SLC39A11: variants seen among roughly 807,000 people sequenced by gnomAD.
SLC39A11 encodes the protein zinc transporter ZIP11.
Under a neutral mutation model 36.1 loss-of-function variants are expected in SLC39A11, and 33 were observed. The observed-to-expected ratio is 0.91, with a 90% CI of 0.69 to 1.22. SLC39A11 has a LOEUF of 1.22. Among genes scored for constraint, SLC39A11 ranks in the 50% most tolerant of loss-of-function variants. The pLI, the probability that SLC39A11 is intolerant of heterozygous loss-of-function variation, is 0.00. For synonymous variants in SLC39A11, 166 were observed against 170.3 expected (o/e 0.97, Z 0.20); for missense variants, 432 against 430.3 (o/e 1.00, Z -0.03).
intron 5 of SLC39A11, among the ~76,000 whole-genome samples, chr17:72,883,815 T>C (rs149221963): frequency 8.7e-4 from 133 of 152,214 alleles, no homozygotes; most frequent in African/African-American, 3.0e-3. Flanking sequence ...AAAACTGAAG[T>C]TGGGCCCAAG....
chr17:72,897,052 C>CAAAAAAAAAAAAAAA (rs10656675), intron 5 of SLC39A11, among the ~76,000 whole-genome samples: 2 of 64,178 alleles, frequency 3.1e-5, no homozygotes, highest in Non-Finnish European at 5.2e-5. Context: ...GACTCTGTCT[C>CAAAAAAAAAAAAAAA]AAAAAAAAAA....
At chr17:72,878,998 A>G (rs1438097347) in intron 5 of SLC39A11, among the ~76,000 whole-genome samples, 1 of 152,198 alleles carries the variant, frequency 6.6e-6, no homozygotes, top group East Asian at 1.9e-4. Flanking sequence ...GAAACACTTC[A>G]CTTATGTTCA....
Position 73,022,595 on chromosome 17 carries a change from T to TAAAAAA in SLC39A11, c.306+8955_306+8960dup, listed in dbSNP as rs10675859. 7.8e-4 allele frequency among the ~76,000 whole-genome samples: 44 copies of TAAAAAA among 56,750 alleles called. 2 individuals carry two copies. Among genetic ancestry groups the TAAAAAA allele is most frequent in the South Asian group, 2.1e-3 (2 of 944 alleles). The allele number at this position is 56,750 out of a possible 152,430, so 37.2% of individuals were successfully genotyped here. A position where few individuals can be genotyped will look rare whatever the true frequency, so the allele number is the denominator to read the frequency against. On this transcript the variant is annotated intron_variant, in intron 4 of 9. Transcript: ENST00000255559. ...GGGAGACAAGAGCAAAACTCCATCTTAAAAAAAAAAAAAAAAAAAAAAAAA... is the reference window on the plus strand; with the variant it reads ...GGGAGACAAGAGCAAAACTCCATCTTAAAAAAAAAAAAAAAAAAAAAAAAAAAAAAA...
chr17:72,842,536 G>C (rs1567805851), intron 6 of SLC39A11, among the ~76,000 whole-genome samples: 1 of 152,190 alleles, frequency 6.6e-6, no homozygotes, highest in Non-Finnish European at 1.5e-5. Flanking sequence ...GAACTCAATT[G>C]CTAGGTGATT....
At chr17:72,935,119 T>C (rs1350480554) in intron 5 of SLC39A11, among the ~76,000 whole-genome samples, 1 of 152,192 alleles carries the variant, frequency 6.6e-6, no homozygotes, top group Non-Finnish European at 1.5e-5. Flanking sequence ...ACAACACAAA[T>C]GTCCTTCAAC....
At chr17:72,770,377 C>A (rs1012957621) in intron 6 of SLC39A11, among the ~76,000 whole-genome samples, 1 of 152,172 alleles carries the variant, frequency 6.6e-6, no homozygotes, top group Non-Finnish European at 1.5e-5. Flanking sequence ...TAAAAAAGTT[C>A]GGGAGCCAGA....
intron 7 of SLC39A11, among the ~76,000 whole-genome samples, chr17:72,680,787 A>C (rs1459572209): frequency 6.6e-6 from 1 of 152,214 alleles, no homozygotes; most frequent in African/African-American, 2.4e-5. Context: ...TATTTGTATC[A>C]GTACTTCTTT....
At chr17:72,690,854 A>T (rs1224399967) in intron 7 of SLC39A11, among the ~76,000 whole-genome samples, 3 of 152,152 alleles carry the variant, frequency 2.0e-5, no homozygotes, top group Non-Finnish European at 4.4e-5. Context: ...GCCCGAGACC[A>T]ACAAGACCAG....
chr17:73,086,156 T>C (rs1216737748), intron 2 of SLC39A11, among the ~76,000 whole-genome samples: 1 of 152,126 alleles, frequency 6.6e-6, no homozygotes, highest in African/African-American at 2.4e-5. Context: ...AGGCTCCTGA[T>C]TGGAAGGGGC....
At position 72,697,783 on chromosome 17, in the gene SLC39A11, GCTCCTATGT is replaced by G. The variant is rs1475167190; in HGVS notation, c.671+38858_671+38866del. Among the ~76,000 whole-genome samples the G allele has an allele frequency of 4.1e-5, 6 of 145,062 alleles. No individual in the cohort carries two copies. The East Asian group carries it at 1.0e-3, about 25-fold the overall frequency. On this transcript the variant is annotated intron_variant, in intron 7 of 9. Coordinates refer to ENST00000255559, the MANE Select transcript of SLC39A11 (RefSeq NM_139177.4). ...TCATGATCCTAGGGGCTCCATAAAT[GCTCCTATGT>G]CTGATTTGACTGATACACTCGCCAC...
chr17:72,677,229 G>A (rs1253651136), intron 7 of SLC39A11, among the ~76,000 whole-genome samples: 2 of 152,194 alleles, frequency 1.3e-5, no homozygotes, highest in African/African-American at 4.8e-5. Flanking sequence ...CTAGTGGGGT[G>A]GGAGTTGCAG....
chr17:72,957,154 C>A (rs185789068), intron 4 of SLC39A11, among the ~76,000 whole-genome samples: 2 of 152,234 alleles, frequency 1.3e-5, no homozygotes, highest in African/African-American at 4.8e-5. Flanking sequence ...CTTTTCAAGT[C>A]TCTACATCAC....
Position 72,827,334 on chromosome 17 carries a change from G to A in SLC39A11, c.601+22300C>T, listed in dbSNP as rs372093900. Among the ~76,000 whole-genome samples the A allele has an allele frequency of 2.0e-5, 3 of 152,182 alleles. 1 individual carries two copies. The highest frequency in any genetic ancestry group is 6.5e-5 in the Admixed American group (1 of 15,278). On this transcript the variant is annotated intron_variant, in intron 6 of 9. Transcript: ENST00000255559. Reference sequence around the variant, plus strand: ...AGATGAGTGGTTGCCTAGGGTTTGTGGGGGAGGAGCTGGAGGGAAATGGAG... The same window carrying A: ...AGATGAGTGGTTGCCTAGGGTTTGTAGGGGAGGAGCTGGAGGGAAATGGAG...
At chr17:72,693,473 C>T (rs2072131280) in intron 7 of SLC39A11, among the ~76,000 whole-genome samples, 1 of 152,242 alleles carries the variant, frequency 6.6e-6, no homozygotes, top group Admixed American at 6.5e-5. Context: ...GCTCAAAAGC[C>T]TTTAAACATT....
chr17:72,927,106 G>A (rs942114435), intron 5 of SLC39A11, among the ~76,000 whole-genome samples: 14 of 152,120 alleles, frequency 9.2e-5, no homozygotes, highest in East Asian at 1.9e-4. Flanking sequence ...GAGTGCAGTG[G>A]TGTGATCTTA....
intron 7 of SLC39A11, among the ~76,000 whole-genome samples, chr17:72,721,839 G>C (rs2073692258): frequency 6.6e-6 from 1 of 151,882 alleles, no homozygotes; most frequent in South Asian, 2.1e-4. Context: ...ATGTGGTGGT[G>C]CATGCCCATA....
chr17:72,919,850 G>C (rs1349389444), intron 5 of SLC39A11, among the ~76,000 whole-genome samples: 1 of 152,088 alleles, frequency 6.6e-6, no homozygotes, highest in Non-Finnish European at 1.5e-5. Flanking sequence ...AGGACCACAG[G>C]CTCTGGCTGG....
intron 4 of SLC39A11, among the ~76,000 whole-genome samples, chr17:72,957,949 C>T (rs1056315301): frequency 2.0e-5 from 3 of 151,980 alleles, no homozygotes; most frequent in Admixed American, 6.6e-5. Context: ...GCTGAGATTG[C>T]ACCACTTCAC....
chr17:72,744,310 T>A (rs769166405), intron 6 of SLC39A11, among the ~76,000 whole-genome samples: 1 of 152,154 alleles, frequency 6.6e-6, no homozygotes, highest in Non-Finnish European at 1.5e-5. Context: ...GTTTGCAGCA[T>A]CCCTGGCCTC....
Sources: gnomAD v4.1 joint callset for allele counts (sites outside exome capture counted in the v4.1 genomes callset) on GRCh38, gnomAD v4.1.1 for gene constraint, MANE v1.5 for transcripts, NCBI Gene and HGNC (gene_info 2026-07-23, HGNC 2026-07-21) for gene names.